TP63: variants seen among roughly 807,000 people sequenced by gnomAD.
The protein encoded by TP63 is tumor protein 63.
A neutral mutation model predicts 82.8 loss-of-function variants in TP63; 17 were observed. That is an observed-to-expected ratio of 0.21 (90% CI 0.14 to 0.31). TP63 has a LOEUF of 0.31. Ranked by LOEUF, TP63 falls within the 10% of genes least tolerant of loss-of-function variation. TP63 has a pLI of 1.00. For missense variants in TP63, 648 were observed against 895.3 expected (o/e 0.72, Z 3.52); for synonymous variants, 330 against 321.7 (o/e 1.03, Z -0.28).
At chr3:189,886,951 G>A (rs769527269) in intron 11 of TP63, among the ~76,000 whole-genome samples, 2 of 152,174 alleles carry the variant, frequency 1.3e-5, no homozygotes, top group Non-Finnish European at 2.9e-5. Context: ...GCTCACGACT[G>A]CAATCCTAGC....
rs896426381 is a variant in TP63 at position 189,816,168 on chromosome 3, G to C, written c.579+7642G>C. ...ACTAACAGATAGCTTACTTTTAATTGGCACATAGTGTGCCAGAACAAAAAT... is the reference window on the plus strand; with the variant it reads ...ACTAACAGATAGCTTACTTTTAATTCGCACATAGTGTGCCAGAACAAAAAT... On this transcript the variant is annotated intron_variant, in intron 4 of 13. Transcript: ENST00000264731. 3.9e-5 allele frequency among the ~76,000 whole-genome samples: 6 copies of C among 152,152 alleles called. No homozygotes were observed. In the South Asian group the frequency reaches 1.2e-3, roughly 32 times the overall value.
At chr3:189,774,857 T>C (rs564987803) in intron 3 of TP63, among the ~76,000 whole-genome samples, 3 of 152,258 alleles carry the variant, frequency 2.0e-5, no homozygotes, top group African/African-American at 7.2e-5. Flanking sequence ...GTTAGTACTG[T>C]TATTGAATAT....
At chr3:189,738,906 T>A in intron 3 of TP63, 132 bp downstream of exon 3, 1 of 1,337,078 alleles carries the variant, frequency 7.5e-7, no homozygotes, top group Non-Finnish European at 1.0e-6. Flanking sequence ...AGAGTCTATG[T>A]TGTTAGCTGA....
chr3:189,775,158 T>A (rs900355875), intron 3 of TP63, among the ~76,000 whole-genome samples: 6 of 144,554 alleles, frequency 4.2e-5, no homozygotes, highest in African/African-American at 7.8e-5. Context: ...AGGCGGAGGT[T>A]GTGGTGAGCC....
At chr3:189,706,116 C>T (rs111568769) in intron 1 of TP63, among the ~76,000 whole-genome samples, 5,345 of 152,186 alleles carry the variant, frequency 0.035, 133 homozygotes, top group Non-Finnish European at 0.053. Context: ...TATAATCGCC[C>T]CCTGGTTTCA....
chr3:189,761,694 C>T (rs187351048), intron 3 of TP63, among the ~76,000 whole-genome samples: 35 of 152,278 alleles, frequency 2.3e-4, no homozygotes, highest in Non-Finnish European at 4.1e-4. Context: ...TCAGCAACAC[C>T]ACACTTCTGG....
rs1553859674 is a variant in TP63 at position 189,875,611 on chromosome 3, T to TAC, written c.1349+2617_1349+2618insCA. On this transcript the variant is annotated intron_variant, in intron 10 of 13. Coordinates refer to ENST00000264731, the MANE Select transcript of TP63 (RefSeq NM_003722.5). Reference sequence around the variant, plus strand: ...ATACATACATATATATATATATATATATATATATATATATATATATATATA... The same window carrying TAC: ...ATACATACATATATATATATATATATACATATATATATATATATATATATATA... Among the ~76,000 whole-genome samples, 99 of 77,038 alleles carry TAC rather than the reference T, an allele frequency of 1.3e-3. 1 individual carries two copies. The highest frequency in any genetic ancestry group is 4.2e-3 in the African/African-American group (89 of 21,194). 50.5% of individuals were successfully genotyped at this position (77,038 alleles called of 152,430 possible). A position where few individuals can be genotyped will look rare whatever the true frequency, so the allele number is the denominator to read the frequency against.
chr3:189,631,635 A>C, intron 1 of TP63, 58 bp downstream of exon 1: 1 of 1,610,774 alleles, frequency 6.2e-7, no homozygotes. Context: ...CTTGTGTATT[A>C]TGAATGTGTC....
chr3:189,723,728 TA>T (rs879634427), intron 1 of TP63, among the ~76,000 whole-genome samples: 5 of 152,236 alleles, frequency 3.3e-5, no homozygotes, highest in Non-Finnish European at 7.3e-5. Flanking sequence ...GATGATTTAG[TA>T]AAAACAAAAC....
intron 1 of TP63, among the ~76,000 whole-genome samples, chr3:189,716,492 C>T (rs1271074480): frequency 9.2e-5 from 14 of 152,178 alleles, no homozygotes; most frequent in African/African-American, 3.1e-4. Context: ...ATTTGCCAAT[C>T]ATCTTTCTCA....
At chr3:189,837,077 G>A (rs1477619431) in intron 4 of TP63, among the ~76,000 whole-genome samples, 1 of 152,058 alleles carries the variant, frequency 6.6e-6, no homozygotes, top group Non-Finnish European at 1.5e-5. Context: ...TGTTCTTCAC[G>A]GTGTACGATG....
chr3:189,834,163 G>A (rs1253366468), intron 4 of TP63, among the ~76,000 whole-genome samples: 3 of 152,126 alleles, frequency 2.0e-5, no homozygotes, highest in Non-Finnish European at 4.4e-5. Flanking sequence ...ACTTGTCTTT[G>A]CCCATGGCCT....
At position 189,894,297 on chromosome 3, in the gene TP63, C is replaced by T. The variant is rs1191791499; in HGVS notation, c.1838C>T (p.Pro613Leu). ...CGGCAGCTCCACGAATTCTCCTCCC[C>T]TTCTCATCTCCTGCGGACCCCAAGC... ...DHRQLHEFSS[P>L]SHLLRTPSSA... is the part of the protein sequence containing the mutation. The change falls in exon 14 of 14, where the codon CCT (proline) becomes CTT (leucine). Residue 613 changes from proline to leucine, a missense_variant. By Grantham distance (98) the Pro-to-Leu change is moderately conservative. Transcript: ENST00000264731. 6.2e-7 allele frequency: 1 copy of T among 1,614,106 alleles called. No individual in the cohort carries two copies.
Position 189,872,879 on chromosome 3 carries a change from T to C in TP63, c.1233T>C (p.Tyr411=), listed in dbSNP as rs768014113. ...LYLPVRGRET[Y]EMLLKIKESL... is the part of the protein sequence containing the mutation. ...CATAGGTGAGGGGCCGTGAGACTTA[T>C]GAAATGCTGTTGAAGATCAAAGAGT... The change falls in exon 10 of 14, where the codon TAT becomes TAC. Residue 411 remains tyrosine, a synonymous_variant. Coordinates refer to ENST00000264731, the MANE Select transcript of TP63 (RefSeq NM_003722.5). 52 of 1,614,038 alleles carry C rather than the reference T, an allele frequency of 3.2e-5. No individual in the cohort carries two copies. Among genetic ancestry groups the C allele is most frequent in the Middle Eastern group, 1.6e-4 (1 of 6,084 alleles).
intron 1 of TP63, among the ~76,000 whole-genome samples, chr3:189,632,343 G>A (rs1560072358): frequency 6.6e-6 from 1 of 152,230 alleles, no homozygotes; most frequent in East Asian, 1.9e-4. Context: ...TCCTTTGCGT[G>A]TTGAAAATGG....
the TP63 span, among the ~76,000 whole-genome samples, chr3:189,597,694 C>A: frequency 1.3e-5 from 2 of 152,056 alleles, no homozygotes; most frequent in Non-Finnish European, 2.9e-5. Flanking sequence ...CGAGGCCAGG[C>A]TGGGTGAATT....
At chr3:189,618,581 G>A in the TP63 span, among the ~76,000 whole-genome samples, 13,886 of 152,050 alleles carry the variant, frequency 0.091, 955 homozygotes, top group East Asian at 0.4. Context: ...AGGGTAGAGG[G>A]GCATCATTTA....
intron 4 of TP63, among the ~76,000 whole-genome samples, chr3:189,821,337 T>C (rs1728773647): frequency 6.6e-6 from 1 of 152,238 alleles, no homozygotes; most frequent in African/African-American, 2.4e-5. Context: ...TCACAGCGCT[T>C]AGATTTGATT....
At chr3:189,871,553 T>C (rs1560283898) in intron 9 of TP63, among the ~76,000 whole-genome samples, 1 of 152,088 alleles carries the variant, frequency 6.6e-6, no homozygotes, top group Non-Finnish European at 1.5e-5. Flanking sequence ...CATTTTTCAT[T>C]TCTGAATTCT....
Sources: gnomAD v4.1 joint callset for allele counts (sites outside exome capture counted in the v4.1 genomes callset) on GRCh38, gnomAD v4.1.1 for gene constraint, MANE v1.5 for transcripts, NCBI Gene and HGNC (gene_info 2026-07-23, HGNC 2026-07-21) for gene names.